The following NLRC5 variants were observed in gnomAD, a reference collection of about 807,000 sequenced individuals.
The protein encoded by NLRC5 is NLR family CARD domain containing 5.
NLRC5 carries 114 observed loss-of-function variants against 206.9 expected under a neutral mutation model. The ratio of observed to expected loss-of-function variants is 0.55; its 90% CI spans 0.47 to 0.64. The LOEUF is 0.64. Among genes scored for constraint, NLRC5 ranks in the 30% least tolerant of loss-of-function variants. The probability of loss-of-function intolerance (pLI) is 0.00; values close to 1 mark genes in which losing one functional copy is unlikely to be tolerated. For synonymous variants in NLRC5, 952 were observed against 962.8 expected (o/e 0.99, Z 0.21); for missense variants, 2,008 against 2,305.5 (o/e 0.87, Z 2.64).
chr16:57,022,426 A>G (rs773195701), intron 4 of NLRC5, 111 bp downstream of exon 4: 1 of 935,386 alleles, frequency 1.1e-6, no homozygotes, highest in African/African-American at 1.6e-5. Flanking sequence ...GCCATTTCTC[A>G]TAGGCCATGC....
chr16:57,080,271 A>G (rs1296282846), intron 46 of NLRC5, among the ~76,000 whole-genome samples: 1 of 152,190 alleles, frequency 6.6e-6, no homozygotes, highest in African/African-American at 2.4e-5. Context: ...CGAAAGTCTC[A>G]GATCAGTGGT....
At chr16:57,071,782 G>C in intron 38 of NLRC5, among the ~76,000 whole-genome samples, 1 of 140,562 alleles carries the variant, frequency 7.1e-6, no homozygotes, top group Non-Finnish European at 1.6e-5. Context: ...TGAGTGGTGG[G>C]GTTGGTTAAT....
At chr16:57,077,080 G>A (rs1407188956) in intron 40 of NLRC5, among the ~76,000 whole-genome samples, 178 bp downstream of exon 40, 2 of 152,262 alleles carry the variant, frequency 1.3e-5, no homozygotes, top group African/African-American at 4.8e-5. Context: ...GGATGTAAGA[G>A]TGTCAATTGT....
chr16:57,023,085 A>G (rs1194158095), intron 4 of NLRC5, among the ~76,000 whole-genome samples: 3 of 152,208 alleles, frequency 2.0e-5, no homozygotes, highest in African/African-American at 7.2e-5. Context: ...CTAGCTGGAC[A>G]AGGAGCCCAG....
chr16:57,006,004 A>T (rs1328034199), intron 1 of NLRC5, among the ~76,000 whole-genome samples: 11 of 151,680 alleles, frequency 7.3e-5, no homozygotes, highest in African/African-American at 2.7e-4. Flanking sequence ...ATTTGTATAC[A>T]CATTTTTTTT....
At chr16:57,033,296 T>C (rs1399054302) in intron 11 of NLRC5, among the ~76,000 whole-genome samples, 2 of 152,204 alleles carry the variant, frequency 1.3e-5, no homozygotes, top group Non-Finnish European at 2.9e-5. Flanking sequence ...TTCAGGTACC[T>C]ATGTGCTAGA....
chr16:57,020,013 T>A (rs1251082924), intron 2 of NLRC5, among the ~76,000 whole-genome samples: 2 of 151,776 alleles, frequency 1.3e-5, no homozygotes, highest in African/African-American at 4.8e-5. Context: ...AGGGAGGGGG[T>A]GCAGAAGAAA....
chr16:57,077,169 G>A, intron 40 of NLRC5, 127 bp from the exon 41 acceptor site: 1 of 818,212 alleles, frequency 1.2e-6, no homozygotes, highest in Non-Finnish European at 2.0e-6. Context: ...ACTCAACATG[G>A]GGTGATGGGG....
intron 10 of NLRC5, among the ~76,000 whole-genome samples, chr16:57,030,581 T>C (rs1358046043): frequency 2.0e-5 from 3 of 151,362 alleles, no homozygotes; most frequent in Admixed American, 2.0e-4. Flanking sequence ...GATGGATAGA[T>C]GGCTAGCTGA....
intron 1 of NLRC5, among the ~76,000 whole-genome samples, chr16:57,000,562 T>C (rs1189352301): frequency 6.6e-6 from 1 of 152,088 alleles, no homozygotes; most frequent in East Asian, 1.9e-4. Flanking sequence ...CTTCAACTCC[T>C]GGCTCCTCGA....
At chr16:57,077,902 G>T in intron 42 of NLRC5, 41 bp from the exon 43 acceptor site, 1 of 1,610,562 alleles carries the variant, frequency 6.2e-7, no homozygotes, top group Non-Finnish European at 8.5e-7. Flanking sequence ...GTCCCGAGTG[G>T]GCAGGCCCAG....
intron 16 of NLRC5, 117 bp from the exon 17 acceptor site, chr16:57,040,533 G>C: frequency 1.1e-6 from 1 of 951,620 alleles, no homozygotes; most frequent in Non-Finnish European, 1.7e-6. Context: ...TGGCACCAAG[G>C]TCTGATTGAC....
At position 57,051,525 on chromosome 16, in the gene NLRC5, CT is replaced by C; in HGVS notation, c.3423-10del. The stretch of plus-strand genomic sequence containing the variant: ...AGGTTTCCCCCACCTCATCCACCTG[CT>C]TTGTTTCACAGATTGTCCTGTGAGT... On this transcript the variant is annotated splice_polypyrimidine_tract_variant and intron_variant, in intron 23 of 48. Transcript: ENST00000688547. 22 of 1,610,054 alleles carry C rather than the reference CT, an allele frequency of 1.4e-5. No homozygotes were observed. Among genetic ancestry groups the C allele is most frequent in the Non-Finnish European group, 1.9e-5 (22 of 1,176,306 alleles).
intron 1 of NLRC5, among the ~76,000 whole-genome samples, chr16:57,001,941 C>T (rs1424167689): frequency 2.0e-5 from 3 of 151,878 alleles, no homozygotes; most frequent in Non-Finnish European, 4.4e-5. Context: ...CTTCTACTCT[C>T]TATCTCCATG....
intron 25 of NLRC5, 28 bp downstream of exon 25, chr16:57,054,868 C>G: frequency 5.0e-6 from 8 of 1,607,544 alleles, no homozygotes; most frequent in Non-Finnish European, 6.8e-6. Flanking sequence ...ACAGCCAGGA[C>G]TCGTCCTGAA....
chr16:57,040,034 C>T (rs1178227372), intron 16 of NLRC5, among the ~76,000 whole-genome samples, 185 bp downstream of exon 16: 1 of 152,160 alleles, frequency 6.6e-6, no homozygotes, highest in African/African-American at 2.4e-5. Context: ...ATCCAGACCA[C>T]CTCCGCCTCT....
intron 38 of NLRC5, among the ~76,000 whole-genome samples, chr16:57,071,271 G>T (rs1167024870): frequency 3.4e-5 from 5 of 146,740 alleles, no homozygotes; most frequent in Non-Finnish European, 7.5e-5. Context: ...TGAGTGAGTT[G>T]TGGGGTTGGT....
rs2399596 is a variant in NLRC5 at position 57,043,611 on chromosome 16, G to A, written c.3203+7G>A. On this transcript the variant is annotated splice_region_variant and intron_variant, in intron 20 of 48. Coordinates refer to ENST00000688547, the MANE Select transcript of NLRC5 (RefSeq NM_001384950.1). ...TCTTCCGCTTGGACATCAGGTGAGC[G>A]TGCCTCTCCGCCCCCAGCCCTGCCC... is the stretch of plus-strand genomic sequence containing the variant. 0.067 allele frequency: 107,214 copies of A among 1,610,122 alleles called. 3,996 individuals are homozygous for A. The highest frequency in any genetic ancestry group is 0.091 in the Middle Eastern group (551 of 6,058).
chr16:57,078,463 C>CTTGTTTTTTTTTTTT (rs2068692515), intron 43 of NLRC5, among the ~76,000 whole-genome samples: 1 of 123,870 alleles, frequency 8.1e-6, no homozygotes, highest in African/African-American at 3.6e-5. Flanking sequence ...GTGCTGGGAC[C>CTTGTTTTTTTTTTTT]TTGTTTTTTT....
Sources: gnomAD v4.1 joint callset for allele counts (sites outside exome capture counted in the v4.1 genomes callset) on GRCh38, gnomAD v4.1.1 for gene constraint, MANE v1.5 for transcripts, NCBI Gene and HGNC (gene_info 2026-07-23, HGNC 2026-07-21) for gene names.